LRP1B: variants seen among roughly 807,000 people sequenced by gnomAD.
The protein encoded by LRP1B is low-density lipoprotein receptor-related protein 1B.
In LRP1B, 217 loss-of-function variants were observed where a neutral mutation model predicts 556.6. The ratio of observed to expected loss-of-function variants is 0.39; its 90% CI spans 0.35 to 0.44. The LOEUF (loss-of-function observed/expected upper bound fraction) is 0.44. LRP1B is among the 20% of genes least tolerant of loss of function. The pLI, the probability that LRP1B is intolerant of heterozygous loss-of-function variation, is 1.00. For missense variants in LRP1B, 5,053 were observed against 5,620.8 expected (o/e 0.90, Z 3.23); for synonymous variants, 2,047 against 1,865.8 (o/e 1.10, Z -2.50).
chr2:140,467,612 CAAAAAAAA>C lies in LRP1B; in HGVS notation c.9625+7518_9625+7525del, dbSNP rs36060070. Among the ~76,000 whole-genome samples, 20 of 85,938 alleles carry C rather than the reference CAAAAAAAA, an allele frequency of 2.3e-4. 1 individual carries two copies. Among genetic ancestry groups the C allele is most frequent in the African/African-American group, 7.1e-4 (17 of 23,816 alleles). The allele number at this position is 85,938 out of a possible 152,430, so 56.4% of individuals were successfully genotyped here. A position where few individuals can be genotyped will look rare whatever the true frequency, so the allele number is the denominator to read the frequency against. ...TGGGGGACAGAGGGAAACTCCATCTCAAAAAAAAAAAAAAAAAAAAAGTCTTAAAAGGT... is the reference window on the plus strand; with the variant it reads ...TGGGGGACAGAGGGAAACTCCATCTCAAAAAAAAAAAAAGTCTTAAAAGGT... On this transcript the variant is annotated intron_variant, in intron 60 of 90. Coordinates refer to ENST00000389484, the MANE Select transcript of LRP1B (RefSeq NM_018557.3).
intron 84 of LRP1B, among the ~76,000 whole-genome samples, chr2:140,285,625 T>C (rs1683115097): frequency 6.6e-6 from 1 of 151,702 alleles, no homozygotes; most frequent in Non-Finnish European, 1.5e-5. Context: ...AATAATCAGG[T>C]TCCCTCTGTA....
At chr2:141,160,604 G>A (rs778880908) in intron 7 of LRP1B, among the ~76,000 whole-genome samples, 7 of 151,852 alleles carry the variant, frequency 4.6e-5, no homozygotes, top group Non-Finnish European at 1.0e-4. Context: ...ACACAAAAAT[G>A]TGAATGGATC....
At position 140,501,699 on chromosome 2, in the gene LRP1B, C is replaced by G. The variant is rs747529478; in HGVS notation, c.8838G>C (p.Pro2946=). The G allele has an allele frequency of 6.2e-7, 1 of 1,608,588 alleles. No homozygotes were observed. Reference sequence around the variant, plus strand: ...GATGAGTACCTACCTTATAACTGACCGGAAGGTCTTGACAGTCTTGAGAAC... The same window carrying G: ...GATGAGTACCTACCTTATAACTGACGGGAAGGTCTTGACAGTCTTGAGAAC... ...SGCSQDCQDL[P]VSYKCKCWPG... The change falls in exon 55 of 91, where the codon CCG becomes CCC. Residue 2946 remains proline, a synonymous_variant. Transcript: ENST00000389484.
In LRP1B at chr2:140,501,759, A is replaced by G. The variant is rs1264072155; in HGVS notation, c.8778T>C (p.His2926=). ...CTTTCTTACTCAAACATTCATTTAT[A>G]TGGCAGTTTCTCTCATCTGAACCAT... ...CGDGSDERNC[H]INECLSKKVS... The change falls in exon 55 of 91, where the codon CAT becomes CAC. Residue 2926 remains histidine (H), a synonymous_variant. Coordinates refer to ENST00000389484, the MANE Select transcript of LRP1B (RefSeq NM_018557.3). 3.7e-6 allele frequency: 6 copies of G among 1,612,848 alleles called. No individual in the cohort carries two copies. The Admixed American group carries it at 8.3e-5, about 22-fold the overall frequency.
intron 3 of LRP1B, among the ~76,000 whole-genome samples, chr2:141,401,458 A>T (rs2104925601): frequency 6.6e-6 from 1 of 152,264 alleles, no homozygotes; most frequent in South Asian, 2.1e-4. Context: ...GAAAAATTAC[A>T]TGTATCTATC....
intron 41 of LRP1B, among the ~76,000 whole-genome samples, chr2:140,690,445 A>G (rs1309671044): frequency 6.6e-6 from 1 of 152,008 alleles, no homozygotes; most frequent in African/African-American, 2.4e-5. Context: ...AAGAAAATTC[A>G]TATGCTTTTT....
intron 1 of LRP1B, among the ~76,000 whole-genome samples, chr2:141,899,027 ATG>A (rs1009241323): frequency 6.2e-4 from 95 of 152,250 alleles, no homozygotes; most frequent in African/African-American, 2.2e-3. Context: ...TATCACTAAA[ATG>A]TGTGTTTATG....
intron 1 of LRP1B, among the ~76,000 whole-genome samples, chr2:141,826,125 T>C (rs1696911779): frequency 6.6e-6 from 1 of 151,940 alleles, no homozygotes; most frequent in Non-Finnish European, 1.5e-5. Context: ...AATTGACCAC[T>C]TCTAGGTAAT....
chr2:141,120,479 G>A (rs1370830464), intron 7 of LRP1B, among the ~76,000 whole-genome samples: 3 of 151,740 alleles, frequency 2.0e-5, no homozygotes, highest in African/African-American at 7.3e-5. Flanking sequence ...TACACATAAG[G>A]CAATTTCAAT....
chr2:141,041,050 C>G (rs772260755), intron 11 of LRP1B, among the ~76,000 whole-genome samples: 15 of 152,054 alleles, frequency 9.9e-5, no homozygotes, highest in Non-Finnish European at 1.2e-4. Flanking sequence ...TAAAGGAAGA[C>G]CTCGGTTTTC....
intron 3 of LRP1B, among the ~76,000 whole-genome samples, chr2:141,371,043 G>T (rs1689213274): frequency 6.6e-6 from 1 of 152,088 alleles, no homozygotes; most frequent in Non-Finnish European, 1.5e-5. Flanking sequence ...GAGTGCAGTG[G>T]CGTGATCTCG....
rs200477788 is a variant in LRP1B, at chr2:141,415,321, A to AT, written c.343+65074dup. 2.8e-3 allele frequency among the ~76,000 whole-genome samples: 416 copies of AT among 150,940 alleles called. 4 individuals carry two copies. The highest frequency in any genetic ancestry group is 4.6e-3 in the Non-Finnish European group (308 of 67,584). On this transcript the variant is annotated intron_variant, in intron 3 of 90. Coordinates refer to ENST00000389484, the MANE Select transcript of LRP1B (RefSeq NM_018557.3). Reference sequence around the variant, plus strand: ...AGCCACCACGCCCGGCCTCTAATCTATTTTTTTTTCCATTTGACTTTTCTC... The same window carrying AT: ...AGCCACCACGCCCGGCCTCTAATCTATTTTTTTTTTCCATTTGACTTTTCTC...
chr2:140,472,675 G>A (rs1213513784), intron 60 of LRP1B, among the ~76,000 whole-genome samples: 2 of 151,866 alleles, frequency 1.3e-5, no homozygotes, highest in African/African-American at 4.8e-5. Flanking sequence ...AGATATTCTT[G>A]GTCTAGACAA....
intron 27 of LRP1B, 126 bp from the exon 28 acceptor site, chr2:140,851,909 G>T: frequency 1.5e-6 from 1 of 661,566 alleles, no homozygotes; most frequent in Non-Finnish European, 2.5e-6. Context: ...CCATTAGTAG[G>T]GTGATTAATA....
intron 35 of LRP1B, among the ~76,000 whole-genome samples, chr2:140,723,285 C>A (rs1687479239): frequency 6.6e-6 from 1 of 152,052 alleles, no homozygotes; most frequent in African/African-American, 2.4e-5. Context: ...ACAACCACAA[C>A]TCTGTTAAAA....
intron 75 of LRP1B, among the ~76,000 whole-genome samples, chr2:140,354,927 A>G (rs1159443913): frequency 6.6e-6 from 1 of 152,040 alleles, no homozygotes; most frequent in Admixed American, 6.6e-5. Flanking sequence ...AAGGGCACAA[A>G]CAAATTTAAA....
chr2:141,031,781 C>T (rs1447404144), intron 11 of LRP1B, among the ~76,000 whole-genome samples: 2 of 151,828 alleles, frequency 1.3e-5, no homozygotes, highest in East Asian at 1.9e-4. Context: ...GAGGAAAGGG[C>T]TTAGCAGACA....
At chr2:141,441,986 C>A (rs771327605) in intron 3 of LRP1B, among the ~76,000 whole-genome samples, 3 of 152,042 alleles carry the variant, frequency 2.0e-5, no homozygotes, top group Admixed American at 6.6e-5. Context: ...AAAACATCAC[C>A]CAGGAGCAAT....
chr2:140,479,861 G>C (rs1363649433), intron 59 of LRP1B, among the ~76,000 whole-genome samples: 1 of 152,062 alleles, frequency 6.6e-6, no homozygotes, highest in African/African-American at 2.4e-5. Flanking sequence ...TTTTCATCTT[G>C]GTCTGCCTTT....
Sources: gnomAD v4.1 joint callset for allele counts (sites outside exome capture counted in the v4.1 genomes callset) on GRCh38, gnomAD v4.1.1 for gene constraint, MANE v1.5 for transcripts, NCBI Gene and HGNC (gene_info 2026-07-23, HGNC 2026-07-21) for gene names.